The following PRKG1 variants were observed in gnomAD, a reference collection of about 807,000 sequenced individuals.
PRKG1 encodes the protein cGMP-dependent protein kinase 1.
PRKG1 carries 35 observed loss-of-function variants against 88.1 expected under a neutral mutation model. The ratio of observed to expected loss-of-function variants is 0.40; its 90% CI spans 0.30 to 0.53. The LOEUF (loss-of-function observed/expected upper bound fraction) is 0.53. Among genes scored for constraint, PRKG1 ranks in the 20% least tolerant of loss-of-function variants. PRKG1 has a pLI of 0.59. For synonymous variants in PRKG1, 303 were observed against 292.5 expected, an observed-to-expected ratio of 1.04 and a Z score of -0.37; for missense variants, 540 against 839.8, an observed-to-expected ratio of 0.64 and a Z score of 4.41.
At chr10:51,376,545 A>C (rs1227194872) in intron 2 of PRKG1, among the ~76,000 whole-genome samples, 1 of 152,176 alleles carries the variant, frequency 6.6e-6, no homozygotes, top group East Asian at 1.9e-4. Context: ...TTGTATTTTA[A>C]ATTAGTTTTA....
intron 2 of PRKG1, among the ~76,000 whole-genome samples, chr10:51,305,398 T>C (rs1841010258): frequency 1.3e-5 from 2 of 152,176 alleles, no homozygotes; most frequent in Admixed American, 1.3e-4. Flanking sequence ...GTTGGCTTCC[T>C]GCACAGAAAA....
intron 2 of PRKG1, among the ~76,000 whole-genome samples, chr10:51,418,365 T>G (rs1173661419): frequency 6.6e-6 from 1 of 152,136 alleles, no homozygotes; most frequent in Non-Finnish European, 1.5e-5. Context: ...TATCAATTTG[T>G]AGACTAAAAT....
At chr10:52,082,618 G>A (rs552662163) in intron 7 of PRKG1, among the ~76,000 whole-genome samples, 4 of 152,244 alleles carry the variant, frequency 2.6e-5, no homozygotes, top group African/African-American at 9.6e-5. Flanking sequence ...CCTGTTTGAA[G>A]TTCTCTCTGC....
rs922190414 is a variant in PRKG1, at chr10:51,514,940, G to A, written c.592+47104G>A. On this transcript the variant is annotated intron_variant, in intron 3 of 17. Coordinates refer to ENST00000373980, the MANE Select transcript of PRKG1 (RefSeq NM_006258.4). ...AGATAATTCTTTGCTGTGAGAGGCTGTCCTGTGCATTGTGGGATGTTTAAC... is the reference window on the plus strand; with the variant it reads ...AGATAATTCTTTGCTGTGAGAGGCTATCCTGTGCATTGTGGGATGTTTAAC... Among the ~76,000 whole-genome samples the A allele has an allele frequency of 2.0e-5, 3 of 152,144 alleles. No individual in the cohort carries two copies. The South Asian group carries it at 6.2e-4, about 31-fold the overall frequency.
chr10:52,088,052 A>G (rs1164561063), intron 7 of PRKG1, among the ~76,000 whole-genome samples: 2 of 152,166 alleles, frequency 1.3e-5, no homozygotes, highest in African/African-American at 4.8e-5. Context: ...TACCTAGGGA[A>G]AGTCAGAAAA....
chr10:51,153,094 G>A (rs892903880), intron 1 of PRKG1, 70 bp from the exon 2 acceptor site: 26 of 1,428,118 alleles, frequency 1.8e-5, no homozygotes, highest in Middle Eastern at 1.9e-4. Flanking sequence ...ACTCTATGGC[G>A]CTGCTAAACC....
chr10:51,794,898 C>T (rs941268160), intron 3 of PRKG1, among the ~76,000 whole-genome samples: 2 of 151,952 alleles, frequency 1.3e-5, no homozygotes, highest in Non-Finnish European at 2.9e-5. Flanking sequence ...CTTAGCTTTT[C>T]TGAGACTTAA....
intron 4 of PRKG1, among the ~76,000 whole-genome samples, chr10:51,870,914 A>T (rs1034621557): frequency 2.0e-5 from 3 of 152,134 alleles, no homozygotes. Context: ...TCCAGCACAC[A>T]CATCAGCCTG....
intron 3 of PRKG1, among the ~76,000 whole-genome samples, chr10:51,659,736 C>G (rs896297845): frequency 6.6e-6 from 1 of 152,046 alleles, no homozygotes; most frequent in Non-Finnish European, 1.5e-5. Flanking sequence ...TACAAAATTG[C>G]AAATGCAAAC....
chr10:51,573,208 C>G (rs1453109694), intron 3 of PRKG1, among the ~76,000 whole-genome samples: 1 of 151,790 alleles, frequency 6.6e-6, no homozygotes, highest in African/African-American at 2.4e-5. Flanking sequence ...GGCTGGTAAA[C>G]AGAGCCCCAG....
chr10:51,976,161 G>A (rs1843826809), intron 5 of PRKG1, among the ~76,000 whole-genome samples: 1 of 151,868 alleles, frequency 6.6e-6, no homozygotes, highest in South Asian at 2.1e-4. Flanking sequence ...CATATACTGT[G>A]GGAATGTAAA....
At chr10:51,631,764 A>G (rs1839533200) in intron 3 of PRKG1, among the ~76,000 whole-genome samples, 1 of 152,218 alleles carries the variant, frequency 6.6e-6, no homozygotes, top group South Asian at 2.1e-4. Flanking sequence ...CTGATCTGAC[A>G]GGAGGTGGAG....
chr10:51,204,582 T>G (rs1837999002), intron 2 of PRKG1, among the ~76,000 whole-genome samples: 1 of 152,132 alleles, frequency 6.6e-6, no homozygotes, highest in Non-Finnish European at 1.5e-5. Flanking sequence ...GCCGGTAGAC[T>G]AGACAGTTAT....
chr10:52,167,628 G>GA (rs111648936), intron 9 of PRKG1, among the ~76,000 whole-genome samples: 46,699 of 142,032 alleles, frequency 0.33, 7,824 homozygotes, highest in Non-Finnish European at 0.39. Context: ...ACCTTTTAAG[G>GA]AAAAAAAAAA....
Position 51,134,433 on chromosome 10 carries a change from C to T in PRKG1, c.312-18731C>T, listed in dbSNP as rs111347747. ...CTGATGATCTCTTATAGCTCAAATACCTTTTACTTCTTTGAAAAATGTAGT... is the reference window on the plus strand; with the variant it reads ...CTGATGATCTCTTATAGCTCAAATATCTTTTACTTCTTTGAAAAATGTAGT... On this transcript the variant is annotated intron_variant, in intron 1 of 17. Coordinates refer to ENST00000373980, the MANE Select transcript of PRKG1 (RefSeq NM_006258.4). 2.4e-3 allele frequency among the ~76,000 whole-genome samples: 368 copies of T among 152,198 alleles called. 3 individuals are homozygous for T. Among genetic ancestry groups the T allele is most frequent in the African/African-American group, 8.5e-3 (353 of 41,518 alleles).
At chr10:52,105,489 T>TAGTA (rs1381800780) in intron 7 of PRKG1, among the ~76,000 whole-genome samples, 2 of 152,192 alleles carry the variant, frequency 1.3e-5, no homozygotes, top group Non-Finnish European at 2.9e-5. Flanking sequence ...TTGCAGAATG[T>TAGTA]AGTAAGGTGC....
Position 52,280,916 on chromosome 10 carries a change from G to A in PRKG1, c.1531G>A (p.Gly511Ser). 1 of 1,613,148 alleles carries A rather than the reference G, an allele frequency of 6.2e-7. No individual in the cohort carries two copies. The highest frequency in any genetic ancestry group is 8.5e-7 in the Non-Finnish European group (1 of 1,179,530). ...AGAAAATCTCATCCTAGATCACCGA[G>A]GTTATGCCAAACTGGTCAGTGCATT... is the stretch of plus-strand genomic sequence containing the variant. ...KPENLILDHR[G>S]YAKLVDFGFA... The change falls in exon 13 of 18, where the codon GGT (glycine) becomes AGT (serine). Residue 511 changes from glycine (G) to serine (S), a missense_variant. Gly to Ser is a moderately conservative substitution (Grantham distance 56). This residue lies in a region of PRKG1 where 97 missense variants were observed against 210.6 expected (regional missense o/e 0.46). Coordinates refer to ENST00000373980, the MANE Select transcript of PRKG1 (RefSeq NM_006258.4).
chr10:51,820,482 C>G (rs899379062), intron 4 of PRKG1, among the ~76,000 whole-genome samples: 5 of 152,132 alleles, frequency 3.3e-5, no homozygotes, highest in African/African-American at 1.2e-4. Flanking sequence ...ACCTCTGTCC[C>G]CAAAATGTCC....
chr10:51,462,939 A>T (rs1161664959), intron 2 of PRKG1, among the ~76,000 whole-genome samples: 2 of 152,182 alleles, frequency 1.3e-5, no homozygotes, highest in Non-Finnish European at 2.9e-5. Flanking sequence ...TATAAATAGT[A>T]AAATGCACAG....
Sources: gnomAD v4.1 joint callset for allele counts (sites outside exome capture counted in the v4.1 genomes callset) on GRCh38, gnomAD v4.1.1 for gene constraint, gnomAD v4.1.1 regional missense constraint, MANE v1.5 for transcripts, NCBI Gene and HGNC (gene_info 2026-07-23, HGNC 2026-07-21) for gene names.